Variants in AFAP1 observed in about 807,000 individuals in gnomAD.
The protein encoded by AFAP1 is actin filament-associated protein 1.
In AFAP1, 75 loss-of-function variants were observed where a neutral mutation model predicts 93.9. That is an observed-to-expected ratio of 0.80 (90% CI 0.66 to 0.97). AFAP1 has a LOEUF of 0.97. Ranked by LOEUF, AFAP1 falls within the 50% of genes least tolerant of loss-of-function variation. The probability of loss-of-function intolerance (pLI) is 0.00; values close to 1 mark genes in which losing one functional copy is unlikely to be tolerated. For missense variants in AFAP1, 1,201 were observed against 1,050.8 expected (o/e 1.14, Z -1.98); for synonymous variants, 517 against 430.7 (o/e 1.20, Z -2.48).
At chr4:7,904,242 A>T in intron 1 of AFAP1, among the ~76,000 whole-genome samples, 1 of 152,092 alleles carries the variant, frequency 6.6e-6, no homozygotes, top group Admixed American at 6.5e-5. Context: ...AGCAGAGTGC[A>T]CGGGGCCGAC....
intron 1 of AFAP1, among the ~76,000 whole-genome samples, chr4:7,912,213 C>G (rs543645743): frequency 1.3e-5 from 2 of 152,190 alleles, no homozygotes; most frequent in Non-Finnish European, 2.9e-5. Context: ...GAGTGGTGTC[C>G]GGGCTGTTTC....
In AFAP1 at chr4:7,877,811, A is replaced by C. The variant is rs575372339; in HGVS notation, c.-2-5731T>G. Among the ~76,000 whole-genome samples the C allele has an allele frequency of 3.4e-4, 52 of 152,302 alleles. No homozygotes were observed. In the South Asian group the frequency reaches 9.3e-3, roughly 27 times the overall value. ...CAAATAAAATTTAGTCCTCGAAAAA[A>C]ATTAGGAAAATGAACAAGAAATGTC... On this transcript the variant is annotated intron_variant, in intron 1 of 17. Transcript: ENST00000420658.
intron 12 of AFAP1, among the ~76,000 whole-genome samples, chr4:7,783,537 C>A (rs1252306761): frequency 6.6e-6 from 1 of 152,166 alleles, no homozygotes; most frequent in Non-Finnish European, 1.5e-5. Flanking sequence ...CAGGAAGGGC[C>A]TGGGCAGAGG....
At chr4:7,888,038 G>A (rs1158121251) in intron 1 of AFAP1, among the ~76,000 whole-genome samples, 1 of 151,962 alleles carries the variant, frequency 6.6e-6, no homozygotes, top group African/African-American at 2.4e-5. Context: ...TGTTGGCCAG[G>A]CTGGTCTTTC....
At chr4:7,885,465 C>T (rs747761016) in intron 1 of AFAP1, among the ~76,000 whole-genome samples, 3 of 152,140 alleles carry the variant, frequency 2.0e-5, no homozygotes, top group Admixed American at 6.6e-5. Flanking sequence ...CGCCTCAGGC[C>T]GACCATCACC....
chr4:7,877,256 G>A (rs1451613174), intron 1 of AFAP1, among the ~76,000 whole-genome samples: 4 of 152,220 alleles, frequency 2.6e-5, no homozygotes, highest in Non-Finnish European at 5.9e-5. Flanking sequence ...GACTTCCACA[G>A]GAAGAGAATG....
chr4:7,838,730 A>G, intron 5 of AFAP1, 27 bp from the exon 6 acceptor site: 1 of 1,610,896 alleles, frequency 6.2e-7, no homozygotes, highest in Non-Finnish European at 8.5e-7. Context: ...AAATCAACTG[A>G]TATTATAAGG....
At chr4:7,900,371 TTTAGCACA>T (rs60493935) in intron 1 of AFAP1, among the ~76,000 whole-genome samples, 125,296 of 151,502 alleles carry the variant, frequency 0.83, 52,166 homozygotes, top group Non-Finnish European at 0.89. Flanking sequence ...TAGCTGCGCA[TTTAGCACA>T]GCTAAAATGG....
Position 7,834,092 on chromosome 4 carries a change from T to TACACACACACACACACAC in AFAP1, c.726+4414_726+4431dup, listed in dbSNP as rs142790415. ...ACAAGTTGATAAAGAAACTGTGGCA[T>TACACACACACACACACAC]ACACACACACACACACACACACACA... is the stretch of plus-strand genomic sequence containing the variant. On this transcript the variant is annotated intron_variant, in intron 6 of 17. Coordinates refer to ENST00000420658, the MANE Select transcript of AFAP1 (RefSeq NM_001134647.2). Among the ~76,000 whole-genome samples, 361 of 126,644 alleles carry TACACACACACACACACAC rather than the reference T, an allele frequency of 2.9e-3. 7 individuals carry two copies. Among genetic ancestry groups the TACACACACACACACACAC allele is most frequent in the African/African-American group, 8.1e-3 (255 of 31,518 alleles). The allele number at this position is 126,644 out of a possible 152,430, so 83.1% of individuals were successfully genotyped here. A position where few individuals can be genotyped will look rare whatever the true frequency, so the allele number is the denominator to read the frequency against.
chr4:7,883,534 A>G (rs1717970529), intron 1 of AFAP1, among the ~76,000 whole-genome samples: 1 of 152,186 alleles, frequency 6.6e-6, no homozygotes, highest in Non-Finnish European at 1.5e-5. Context: ...GAGAAGTGTT[A>G]GTCAAAGCAA....
At chr4:7,861,757 C>A (rs558958099) in intron 3 of AFAP1, among the ~76,000 whole-genome samples, 27 of 152,156 alleles carry the variant, frequency 1.8e-4, no homozygotes, top group Non-Finnish European at 3.4e-4. Context: ...ATACATGAGC[C>A]AAAACTCTGA....
chr4:7,903,647 C>A (rs1236495781), intron 1 of AFAP1, among the ~76,000 whole-genome samples: 2 of 152,062 alleles, frequency 1.3e-5, no homozygotes, highest in African/African-American at 4.8e-5. Flanking sequence ...CCACTGCACT[C>A]CAGCCTGGGT....
At position 7,781,537 on chromosome 4, in the gene AFAP1, G is replaced by C; in HGVS notation, c.1621C>G (p.Pro541Ala). Residue 541 changes from proline to alanine, a missense_variant, in exon 13 of 18, where the codon CCG becomes GCG. Physicochemically the swap from Pro to Ala is conservative, Grantham distance 27. Transcript: ENST00000420658. ...YDNAGLYDNL[P>A]PPHIFARYSP... ...TAGCGGGCAAAGATGTGCGGAGGCGGCAAGTTATCGTACAGGCCTGCGTTA... is the reference window on the plus strand; with the variant it reads ...TAGCGGGCAAAGATGTGCGGAGGCGCCAAGTTATCGTACAGGCCTGCGTTA... 1.3e-6 allele frequency: 2 copies of C among 1,552,144 alleles called. No homozygotes were observed. The highest frequency in any genetic ancestry group is 1.7e-6 in the Non-Finnish European group (2 of 1,147,106).
rs1023604802 is a variant in AFAP1 at position 7,766,665 on chromosome 4, C to T, written c.2418+2179G>A. Reference sequence around the variant, plus strand: ...ACAGAATCTCCAGGTGAATGTGTCACGAGAGGCAGGGGCACGAAACCTGGA... The same window carrying T: ...ACAGAATCTCCAGGTGAATGTGTCATGAGAGGCAGGGGCACGAAACCTGGA... On this transcript the variant is annotated intron_variant, in intron 17 of 17. Transcript: ENST00000420658. Among the ~76,000 whole-genome samples, 15 of 152,170 alleles carry T rather than the reference C, an allele frequency of 9.9e-5. No individual in the cohort carries two copies. In the East Asian group the frequency reaches 1.8e-3, roughly 18 times the overall value.
chr4:7,785,288 G>C (rs73084412), intron 12 of AFAP1, among the ~76,000 whole-genome samples: 1 of 152,132 alleles, frequency 6.6e-6, no homozygotes, highest in African/African-American at 2.4e-5. Flanking sequence ...CAGACTTCAG[G>C]ACTCCTAAGG....
chr4:7,853,536 T>C (rs997245287), intron 4 of AFAP1, among the ~76,000 whole-genome samples: 3 of 152,134 alleles, frequency 2.0e-5, no homozygotes, highest in Non-Finnish European at 4.4e-5. Flanking sequence ...TCCAGCTTTC[T>C]TCCCGGCTGC....
intron 17 of AFAP1, among the ~76,000 whole-genome samples, chr4:7,767,123 G>A (rs538490464): frequency 6.6e-6 from 1 of 152,198 alleles, no homozygotes; most frequent in Non-Finnish European, 1.5e-5. Flanking sequence ...ACCCTGCTCA[G>A]TCCGTCCCCT....
rs1166388173 is a variant in AFAP1, at chr4:7,918,553, G to C, written c.-3+21103C>G. Reference sequence around the variant, plus strand: ...GCCCAGGTCACCAAGAAACAGGGCTGCCAGATGAGACACTCGGCCCAGATC... The same window carrying C: ...GCCCAGGTCACCAAGAAACAGGGCTCCCAGATGAGACACTCGGCCCAGATC... On this transcript the variant is annotated intron_variant, in intron 1 of 17. Transcript: ENST00000420658. Among the ~76,000 whole-genome samples, 7 of 130,576 alleles carry C rather than the reference G, an allele frequency of 5.4e-5. 1 individual carries two copies. The highest frequency in any genetic ancestry group is 2.2e-4 in the African/African-American group (7 of 32,506). The allele number at this position is 130,576 out of a possible 152,430, so 85.7% of individuals were successfully genotyped here.
At chr4:7,783,145 AC>A (rs931696195) in intron 12 of AFAP1, among the ~76,000 whole-genome samples, 6 of 152,002 alleles carry the variant, frequency 3.9e-5, no homozygotes, top group Non-Finnish European at 7.4e-5. Context: ...ATAAATATGA[AC>A]TTTTTTTTTT....
Sources: gnomAD v4.1 joint callset for allele counts (sites outside exome capture counted in the v4.1 genomes callset) on GRCh38, gnomAD v4.1.1 for gene constraint, MANE v1.5 for transcripts, NCBI Gene and HGNC (gene_info 2026-07-23, HGNC 2026-07-21) for gene names.